Variants in MMP26 observed in about 807,000 individuals in gnomAD.
MMP26 encodes matrix metalloproteinase-26.
In MMP26, 33 loss-of-function variants were observed where a neutral mutation model predicts 31.0. The observed-to-expected ratio is 1.06, with a 90% CI of 0.81 to 1.42. MMP26 has a LOEUF of 1.42. MMP26 is among the 40% of genes most tolerant of loss of function. The probability of loss-of-function intolerance (pLI) is 0.00; values close to 1 mark genes in which losing one functional copy is unlikely to be tolerated. For missense variants in MMP26, 347 were observed against 316.1 expected (o/e 1.10, Z -0.74); for synonymous variants, 122 against 114.9 (o/e 1.06, Z -0.40).
At chr11:4,979,019 G>C (rs1262324623) in intron 2 of MMP26, among the ~76,000 whole-genome samples, 1 of 152,116 alleles carries the variant, frequency 6.6e-6, no homozygotes, top group Non-Finnish European at 1.5e-5. Context: ...ATAGGAAAGA[G>C]TATATGACTT....
intron 2 of MMP26, among the ~76,000 whole-genome samples, chr11:4,929,886 A>C (rs1271377681): frequency 6.6e-6 from 1 of 152,144 alleles, no homozygotes; most frequent in Non-Finnish European, 1.5e-5. Flanking sequence ...TCAGCATTAA[A>C]GATACAGATT....
At chr11:4,720,678 C>T (rs1007016961) in intron 1 of MMP26, among the ~76,000 whole-genome samples, 1 of 152,122 alleles carries the variant, frequency 6.6e-6, no homozygotes, top group Non-Finnish European at 1.5e-5. Context: ...AGAGTTCCCC[C>T]AAGAGCTTAT....
At chr11:4,854,440 C>T (rs1850020261) in intron 2 of MMP26, among the ~76,000 whole-genome samples, 1 of 152,188 alleles carries the variant, frequency 6.6e-6, no homozygotes, top group African/African-American at 2.4e-5. Context: ...CGGAGGGTCC[C>T]ACGCCCACGG....
intron 2 of MMP26, among the ~76,000 whole-genome samples, chr11:4,818,178 T>C (rs1185379324): frequency 6.6e-6 from 1 of 151,554 alleles, no homozygotes; most frequent in Non-Finnish European, 1.5e-5. Flanking sequence ...GCTAGATAAG[T>C]TTGAAAAGAA....
intron 2 of MMP26, among the ~76,000 whole-genome samples, chr11:4,980,402 C>A (rs1388846275): frequency 1.3e-5 from 2 of 151,958 alleles, no homozygotes; most frequent in East Asian, 1.9e-4. Context: ...TGTATGTTTT[C>A]TTTTGGGGTA....
intron 2 of MMP26, among the ~76,000 whole-genome samples, chr11:4,974,069 C>A (rs2133634291): frequency 6.6e-6 from 1 of 151,578 alleles, no homozygotes; most frequent in African/African-American, 2.4e-5. Context: ...CAACTAGAAA[C>A]AAAAAACCGA....
At chr11:4,733,577 A>T (rs1848201144) in intron 1 of MMP26, among the ~76,000 whole-genome samples, 2 of 152,160 alleles carry the variant, frequency 1.3e-5, no homozygotes. Flanking sequence ...TAGATTAAAA[A>T]ATTTAGTAGA....
intron 1 of MMP26, among the ~76,000 whole-genome samples, chr11:4,730,417 A>C (rs1317137147): frequency 2.0e-5 from 3 of 151,954 alleles, no homozygotes; most frequent in Non-Finnish European, 4.4e-5. Flanking sequence ...AGAGAGAGAG[A>C]GAGAGAGAGA....
chr11:4,923,814 G>A, intron 2 of MMP26: 1 of 1,614,048 alleles, frequency 6.2e-7, no homozygotes, highest in Non-Finnish European at 8.5e-7. Context: ...GCATGAGCCA[G>A]CACATGGGAG....
At chr11:4,842,072 A>G (rs1168616972) in intron 2 of MMP26, among the ~76,000 whole-genome samples, 1 of 152,238 alleles carries the variant, frequency 6.6e-6, no homozygotes, top group Non-Finnish European at 1.5e-5. Flanking sequence ...GTGGTGTGTA[A>G]ACTACTCTTA....
At chr11:4,982,617 A>G (rs1846829866) in intron 2 of MMP26, among the ~76,000 whole-genome samples, 2 of 152,206 alleles carry the variant, frequency 1.3e-5, no homozygotes, top group African/African-American at 2.4e-5. Context: ...AACAATCAGT[A>G]AAAGTTGGTT....
At chr11:4,788,821 T>G (rs952720790) in intron 2 of MMP26, among the ~76,000 whole-genome samples, 1 of 152,164 alleles carries the variant, frequency 6.6e-6, no homozygotes, top group African/African-American at 2.4e-5. Context: ...GGATGCTTTC[T>G]CACCTCAAGT....
chr11:4,988,359 C>A, intron 3 of MMP26, 49 bp downstream of exon 3: 1 of 1,444,112 alleles, frequency 6.9e-7, no homozygotes, highest in Non-Finnish European at 9.8e-7. Context: ...CCATTGTGGG[C>A]TCTTATTTCG....
At chr11:4,766,115 G>A (rs1012463603) in intron 1 of MMP26, among the ~76,000 whole-genome samples, 11 of 152,072 alleles carry the variant, frequency 7.2e-5, no homozygotes, top group African/African-American at 2.7e-4. Context: ...AATCCAGAGG[G>A]CATTTCATGG....
chr11:4,842,214 G>A (rs181512702), intron 2 of MMP26, among the ~76,000 whole-genome samples: 24 of 152,268 alleles, frequency 1.6e-4, no homozygotes, highest in Non-Finnish European at 2.5e-4. Flanking sequence ...TTAAGGTGCA[G>A]TTTTTATTGG....
chr11:4,860,272 G>T (rs1453536970), intron 2 of MMP26: 1 of 471,204 alleles, frequency 2.1e-6, no homozygotes. Flanking sequence ...CATGATGCAT[G>T]CATCAAAAAC....
intron 2 of MMP26, among the ~76,000 whole-genome samples, chr11:4,770,578 G>A (rs1848702802): frequency 6.6e-6 from 1 of 152,202 alleles, no homozygotes; most frequent in Non-Finnish European, 1.5e-5. Context: ...TGGGCAGGTG[G>A]CTCATGCCTG....
chr11:4,986,932 C>CCCTCTCTCTCTCTCT (rs1846903256), intron 2 of MMP26, among the ~76,000 whole-genome samples: 2 of 60,448 alleles, frequency 3.3e-5, no homozygotes, highest in African/African-American at 7.1e-5. Context: ...TCTCTCTCTC[C>CCCTCTCTCTCTCTCT]CTCTCTCTCT....
rs1435617419 is a variant in MMP26 at position 4,892,497 on chromosome 11, T to C, written c.-144-95571T>C. Among the ~76,000 whole-genome samples, 5 of 152,172 alleles carry C rather than the reference T, an allele frequency of 3.3e-5. No individual in the cohort carries two copies. In the East Asian group the frequency reaches 7.7e-4, roughly 23 times the overall value. On this transcript the variant is annotated intron_variant, in intron 2 of 7. Coordinates refer to ENST00000380390, the MANE Select transcript of MMP26 (RefSeq NM_021801.5). ...TGTGTCTGCCATCCACAGTAGCCAA[T>C]AGAATCATTAGAAGCCCAGCTTGTG...
Sources: gnomAD v4.1 joint callset for allele counts (sites outside exome capture counted in the v4.1 genomes callset) on GRCh38, gnomAD v4.1.1 for gene constraint, MANE v1.5 for transcripts, NCBI Gene and HGNC (gene_info 2026-07-23, HGNC 2026-07-21) for gene names.